Variants in NIPA2 observed in about 807,000 individuals in gnomAD.
The protein encoded by NIPA2 is magnesium transporter NIPA2.
In NIPA2, 11 loss-of-function variants were observed where a neutral mutation model predicts 29.7. The ratio of observed to expected loss-of-function variants is 0.37; its 90% CI spans 0.23 to 0.61. NIPA2 has a LOEUF of 0.61. NIPA2 is among the 20% of genes least tolerant of loss of function. The probability of loss-of-function intolerance (pLI) is 0.66; values close to 1 mark genes in which losing one functional copy is unlikely to be tolerated. For synonymous variants in NIPA2, 183 were observed against 161.9 expected, an observed-to-expected ratio of 1.13 and a Z score of -0.99; for missense variants, 426 against 437.9, an observed-to-expected ratio of 0.97 and a Z score of 0.24.
In NIPA2 at chr15:22,864,345, G is replaced by T. The variant is rs185007690; in HGVS notation, c.449-1868G>T. 2.0e-5 allele frequency among the ~76,000 whole-genome samples: 3 copies of T among 152,174 alleles called. No individual in the cohort carries two copies. In the East Asian group the frequency reaches 5.8e-4, roughly 30 times the overall value. On this transcript the variant is annotated intron_variant, in intron 7 of 7. Transcript: ENST00000337451. Reference sequence around the variant, plus strand: ...AATTTTTTGTATTTTTAGTAGAGACGGGGTTTCACCATGTTAGCCAGGATG... The same window carrying T: ...AATTTTTTGTATTTTTAGTAGAGACTGGGTTTCACCATGTTAGCCAGGATG...
intron 7 of NIPA2, among the ~76,000 whole-genome samples, chr15:22,865,905 C>G (rs1229075244): frequency 6.6e-6 from 1 of 152,088 alleles, no homozygotes; most frequent in South Asian, 2.1e-4. Context: ...TCCCTAGTTT[C>G]TGTGTCTGTT....
At chr15:22,839,596 A>G (rs1002035675) in intron 1 of NIPA2, 59 bp from the exon 2 acceptor site, 3 of 152,220 alleles carry the variant, frequency 2.0e-5, no homozygotes, top group African/African-American at 7.2e-5. Context: ...TAACCAAATT[A>G]TAAAACGTAC....
At chr15:22,857,169 G>C (rs1016449737) in intron 5 of NIPA2, among the ~76,000 whole-genome samples, 2 of 152,184 alleles carry the variant, frequency 1.3e-5, no homozygotes, top group African/African-American at 4.8e-5. Context: ...GGTGGCTCAC[G>C]CCTGTAATCC....
At chr15:22,863,291 C>T (rs1176452047) in intron 7 of NIPA2, among the ~76,000 whole-genome samples, 3 of 151,882 alleles carry the variant, frequency 2.0e-5, no homozygotes, top group Admixed American at 1.3e-4. Flanking sequence ...GTCATGTTGG[C>T]TGGGCTGGTC....
intron 3 of NIPA2, among the ~76,000 whole-genome samples, chr15:22,846,920 T>A (rs1422149451): frequency 6.7e-6 from 1 of 149,874 alleles, no homozygotes; most frequent in East Asian, 1.9e-4. Context: ...TTTGTTTGTT[T>A]GAGACCGAGT....
At chr15:22,851,370 T>C (rs1465337032) in intron 3 of NIPA2, among the ~76,000 whole-genome samples, 1 of 152,202 alleles carries the variant, frequency 6.6e-6, no homozygotes, top group African/African-American at 2.4e-5. Context: ...TCAGAAAGTT[T>C]TATTAAGGCT....
At chr15:22,843,504 TA>T (rs201160111) in intron 2 of NIPA2, among the ~76,000 whole-genome samples, 28,849 of 138,390 alleles carry the variant, frequency 0.21, 2,944 homozygotes, top group Admixed American at 0.32. Context: ...AGACTCCATC[TA>T]AAAAAAAAAA....
intron 3 of NIPA2, among the ~76,000 whole-genome samples, chr15:22,850,224 TG>T (rs2141191819): frequency 6.6e-6 from 1 of 152,152 alleles, no homozygotes; most frequent in South Asian, 2.1e-4. Flanking sequence ...TGTGAGTCAC[TG>T]GGACGATTTT....
intron 5 of NIPA2, 25 bp downstream of exon 5, chr15:22,853,293 A>C: frequency 6.8e-7 from 1 of 1,461,134 alleles, no homozygotes; most frequent in East Asian, 2.3e-5. Flanking sequence ...CATTGCAAGA[A>C]AAATATGATA....
chr15:22,843,614 G>A (rs186408358), intron 2 of NIPA2, among the ~76,000 whole-genome samples: 160 of 151,682 alleles, frequency 1.1e-3, no homozygotes, highest in African/African-American at 3.3e-3. Context: ...AAAGTTTAAG[G>A]CTGTCTATGC....
At chr15:22,845,917 CTT>C (rs1347327911) in intron 3 of NIPA2, among the ~76,000 whole-genome samples, 1 of 152,116 alleles carries the variant, frequency 6.6e-6, no homozygotes, top group Non-Finnish European at 1.5e-5. Context: ...CATCATGAAA[CTT>C]TATGTAAAAT....
intron 3 of NIPA2, among the ~76,000 whole-genome samples, chr15:22,847,467 C>CTTTTTTT (rs571098735): frequency 6.9e-6 from 1 of 145,664 alleles, no homozygotes; most frequent in Non-Finnish European, 1.5e-5. Flanking sequence ...GATGATGATT[C>CTTTTTTT]TTTTTTTTTT....
chr15:22,862,478 C>A (rs1381912671), intron 7 of NIPA2, among the ~76,000 whole-genome samples: 2 of 151,992 alleles, frequency 1.3e-5, no homozygotes, highest in Non-Finnish European at 2.9e-5. Context: ...ATTTTCTTAT[C>A]TTTTCTTTCC....
At chr15:22,845,653 G>A (rs1898421036) in intron 3 of NIPA2, among the ~76,000 whole-genome samples, 1 of 152,114 alleles carries the variant, frequency 6.6e-6, no homozygotes, top group Admixed American at 6.6e-5. Flanking sequence ...GGTGTACCCT[G>A]GCCTTGAGTG....
At chr15:22,846,836 TAA>T (rs1491531614) in intron 3 of NIPA2, among the ~76,000 whole-genome samples, 27 of 134,494 alleles carry the variant, frequency 2.0e-4, no homozygotes, top group South Asian at 4.8e-4. Context: ...ATAATAATAA[TAA>T]TAATTATTAT....
intron 7 of NIPA2, among the ~76,000 whole-genome samples, chr15:22,862,049 C>CTTTTTTTTTTTTTTTTTTTTTTT (rs57513456): frequency 4.8e-5 from 5 of 103,948 alleles, no homozygotes; most frequent in African/African-American, 1.9e-4. Context: ...ATGGGTCTCT[C>CTTTTTTTTTTTTTTTTTTTTTTT]TTTTTTTTTT....
At chr15:22,855,135 G>A (rs141377165) in intron 5 of NIPA2, among the ~76,000 whole-genome samples, 82 of 152,188 alleles carry the variant, frequency 5.4e-4, no homozygotes, top group African/African-American at 1.9e-3. Context: ...ATTCTGGGCC[G>A]GGCGTGGTGG....
chr15:22,856,725 TAAAC>T (rs1323515984), intron 5 of NIPA2, among the ~76,000 whole-genome samples: 1 of 152,144 alleles, frequency 6.6e-6, no homozygotes, highest in African/African-American at 2.4e-5. Context: ...ATAGGGTTAA[TAAAC>T]AAATGAAAAT....
At chr15:22,848,322 A>G (rs546660530) in intron 3 of NIPA2, among the ~76,000 whole-genome samples, 4 of 152,192 alleles carry the variant, frequency 2.6e-5, no homozygotes, top group Admixed American at 6.5e-5. Context: ...TCAAGTTTAA[A>G]AGCTATAAAA....
Sources: gnomAD v4.1 joint callset for allele counts (sites outside exome capture counted in the v4.1 genomes callset) on GRCh38, gnomAD v4.1.1 for gene constraint, MANE v1.5 for transcripts, NCBI Gene and HGNC (gene_info 2026-07-23, HGNC 2026-07-21) for gene names.